Variants in TOGARAM1 observed in about 807,000 individuals in gnomAD.
TOGARAM1 encodes the protein TOG array regulator of axonemal microtubules 1, also known as TOG array regulator of axonemal microtubules protein 1.
Under a neutral mutation model 166.6 loss-of-function variants are expected in TOGARAM1, and 100 were observed. That is an observed-to-expected ratio of 0.60 (90% CI 0.51 to 0.71). TOGARAM1 has a LOEUF of 0.71. TOGARAM1 is among the 30% of genes least tolerant of loss of function. The probability of loss-of-function intolerance (pLI) is 0.00; values close to 1 mark genes in which losing one functional copy is unlikely to be tolerated. For missense variants in TOGARAM1, 2,029 were observed against 2,102.7 expected (o/e 0.96, Z 0.69); for synonymous variants, 758 against 763.8 (o/e 0.99, Z 0.13).
Position 45,030,135 on chromosome 14 carries a change from T to TA in TOGARAM1, c.3658+1817dup, listed in dbSNP as rs990173723. The stretch of plus-strand genomic sequence containing the variant: ...ATGCCCAGCCAACAGTGGAAGTTTT[T>TA]AAAAAAAAAAATCTTCATTTGAGCA... On this transcript the variant is annotated intron_variant, in intron 10 of 19. Transcript: ENST00000361462. Among the ~76,000 whole-genome samples, 753 of 149,598 alleles carry TA rather than the reference T, an allele frequency of 5.0e-3. 5 individuals are homozygous for TA. Among genetic ancestry groups the TA allele is most frequent in the African/African-American group, 0.015 (621 of 41,034 alleles).
At position 45,058,245 on chromosome 14, in the gene TOGARAM1, ATG is replaced by A. The variant is rs1212062231; in HGVS notation, c.4559+3698_4559+3699del. ...TTTGATTTGAAGGTTGTGTTATCTG[ATG>A]TAAACATAGCTACACCTGATCACTT... On this transcript the variant is annotated intron_variant, in intron 16 of 19. Transcript: ENST00000361462. Among the ~76,000 whole-genome samples, 96 of 149,786 alleles carry A rather than the reference ATG, an allele frequency of 6.4e-4. 2 individuals carry two copies. The highest frequency in any genetic ancestry group is 2.5e-4 in the Non-Finnish European group (17 of 67,666).
chr14:44,962,446 C>T lies in TOGARAM1; in HGVS notation c.25C>T (p.Leu9Phe). The part of the protein sequence containing the change: MAAAPSAL[L>F]LLPPFPVLST... ...CATGGCGGCTGCCCCCTCCGCGCTGCTTCTGCTGCCGCCCTTTCCAGTCCT... is the reference window on the plus strand; with the variant it reads ...CATGGCGGCTGCCCCCTCCGCGCTGTTTCTGCTGCCGCCCTTTCCAGTCCT... Residue 9 changes from leucine (L) to phenylalanine (F), a missense_variant, in exon 1 of 20, where the codon CTT (leucine) becomes TTT (phenylalanine). Around this residue, in one of 2 missense-constraint regions of TOGARAM1, gnomAD observed 1,453 missense variants for 1,432.2 expected, o/e 1.01. Coordinates refer to ENST00000361462, the MANE Select transcript of TOGARAM1 (RefSeq NM_001308120.2). 6.3e-7 allele frequency: 1 copy of T among 1,575,074 alleles called. No individual in the cohort carries two copies. Among genetic ancestry groups the T allele is most frequent in the Non-Finnish European group, 8.6e-7 (1 of 1,161,350 alleles).
chr14:44,972,419 C>A (rs915096954), intron 1 of TOGARAM1, among the ~76,000 whole-genome samples: 4 of 151,964 alleles, frequency 2.6e-5, no homozygotes, highest in Non-Finnish European at 4.4e-5. Flanking sequence ...TCAACTGTGT[C>A]TTTACTGATT....
intron 6 of TOGARAM1, among the ~76,000 whole-genome samples, chr14:45,011,539 T>C (rs1164237076): frequency 3.9e-5 from 6 of 152,044 alleles, no homozygotes; most frequent in Non-Finnish European, 7.4e-5. Context: ...GCCTTGAACT[T>C]CCTGGGCTCA....
chr14:44,978,438 T>C (rs1283874047), intron 1 of TOGARAM1: 1 of 152,202 alleles, frequency 6.6e-6, no homozygotes, highest in Non-Finnish European at 1.5e-5. Flanking sequence ...TAGACAAAAA[T>C]GTGAAGATTA....
intron 16 of TOGARAM1, among the ~76,000 whole-genome samples, chr14:45,065,379 T>C (rs986964081): frequency 6.6e-6 from 1 of 152,164 alleles, no homozygotes. Context: ...ACACTAATGA[T>C]GGCTGATGAG....
At chr14:44,981,014 G>A (rs1483671617) in intron 1 of TOGARAM1, among the ~76,000 whole-genome samples, 1 of 152,130 alleles carries the variant, frequency 6.6e-6, no homozygotes, top group Middle Eastern at 3.2e-3. Flanking sequence ...TATTTCAAAG[G>A]ATTTAGTGAC....
chr14:45,039,329 A>G (rs530033516), intron 11 of TOGARAM1, among the ~76,000 whole-genome samples: 2 of 152,276 alleles, frequency 1.3e-5, no homozygotes, highest in African/African-American at 2.4e-5. Context: ...AAAAAGCACC[A>G]TAAGTTCTCA....
intron 1 of TOGARAM1, among the ~76,000 whole-genome samples, chr14:44,970,567 C>G (rs1355287964): frequency 6.6e-6 from 1 of 152,022 alleles, no homozygotes; most frequent in Non-Finnish European, 1.5e-5. Flanking sequence ...TTTGAACTTC[C>G]AATATGATAT....
At chr14:44,967,757 A>G (rs1294586443) in intron 1 of TOGARAM1, among the ~76,000 whole-genome samples, 1 of 152,178 alleles carries the variant, frequency 6.6e-6, no homozygotes, top group East Asian at 1.9e-4. Flanking sequence ...GCAAATAATG[A>G]GTTTGAACCT....
chr14:45,066,520 A>T, intron 16 of TOGARAM1, 58 bp from the exon 17 acceptor site: 1 of 1,408,862 alleles, frequency 7.1e-7, no homozygotes, highest in Non-Finnish European at 9.6e-7. Flanking sequence ...TTATGTTTGT[A>T]TAATAGTTTT....
chr14:45,015,542 G>C (rs1378743585), intron 7 of TOGARAM1, among the ~76,000 whole-genome samples: 1 of 147,730 alleles, frequency 6.8e-6, no homozygotes, highest in Admixed American at 6.8e-5. Flanking sequence ...TAAAATTTTT[G>C]TTATTCATTA....
intron 3 of TOGARAM1, 98 bp from the exon 4 acceptor site, chr14:45,003,963 G>A (rs1472268418): frequency 2.2e-6 from 2 of 892,094 alleles, no homozygotes; most frequent in Non-Finnish European, 3.3e-6. Flanking sequence ...CATGCCAATT[G>A]GGATGAAAAC....
intron 1 of TOGARAM1, among the ~76,000 whole-genome samples, chr14:44,970,608 G>A (rs993479852): frequency 1.3e-5 from 2 of 152,052 alleles, no homozygotes; most frequent in Admixed American, 6.5e-5. Context: ...GGACATCCTT[G>A]CCTTGTTTCT....
At chr14:45,051,333 A>AAG (rs1882354408) in intron 14 of TOGARAM1, among the ~76,000 whole-genome samples, 1 of 152,204 alleles carries the variant, frequency 6.6e-6, no homozygotes, top group African/African-American at 2.4e-5. Context: ...GGGTTGACTC[A>AAG]GGCCAGAACA....
chr14:45,045,690 TAC>T (rs1313586762), intron 13 of TOGARAM1, among the ~76,000 whole-genome samples: 4 of 97,950 alleles, frequency 4.1e-5, no homozygotes, highest in African/African-American at 2.7e-4. Context: ...TACACATATA[TAC>T]ACATATATAT....
rs377025138 is a variant in TOGARAM1 at position 45,058,601 on chromosome 14, CT to C, written c.4559+4057del. On this transcript the variant is annotated intron_variant, in intron 16 of 19. Coordinates refer to ENST00000361462, the MANE Select transcript of TOGARAM1 (RefSeq NM_001308120.2). ...AGCCACCATGCCCAGCCTAGAATAT[CT>C]TTTTCTACCCCTTTAATTTTAGTCT... is the stretch of plus-strand genomic sequence containing the variant. 2.0e-3 allele frequency among the ~76,000 whole-genome samples: 304 copies of C among 152,164 alleles called. 2 individuals are homozygous for C. Among genetic ancestry groups the C allele is most frequent in the African/African-American group, 6.4e-3 (266 of 41,546 alleles).
chr14:44,970,658 T>G (rs748835176), intron 1 of TOGARAM1, among the ~76,000 whole-genome samples: 8 of 152,192 alleles, frequency 5.3e-5, no homozygotes, highest in Non-Finnish European at 8.8e-5. Context: ...ATAAATATGA[T>G]GTTATCTGTA....
intron 11 of TOGARAM1, among the ~76,000 whole-genome samples, chr14:45,037,887 G>T (rs2138934168): frequency 6.6e-6 from 1 of 151,790 alleles, no homozygotes; most frequent in South Asian, 2.1e-4. Context: ...AATGAGCCGG[G>T]CATGCCTGTA....
Sources: allele counts gnomAD v4.1 joint callset (sites outside exome capture counted in the v4.1 genomes callset), GRCh38; gene constraint gnomAD v4.1.1; regional missense constraint gnomAD v4.1.1; transcripts MANE v1.5; gene names NCBI Gene and HGNC (gene_info 2026-07-23, HGNC 2026-07-21).